The following TCTN2 variants were observed in gnomAD, a reference collection of about 807,000 sequenced individuals.
The protein encoded by TCTN2 is tectonic-2.
In TCTN2, 66 loss-of-function variants were observed where a neutral mutation model predicts 83.4. That is an observed-to-expected ratio of 0.79 (90% CI 0.65 to 0.97). The LOEUF is 0.97. Ranked by LOEUF, TCTN2 falls within the 50% of genes least tolerant of loss-of-function variation. TCTN2 has a pLI of 0.00. For missense variants in TCTN2, 794 were observed against 858.1 expected (o/e 0.93, Z 0.93); for synonymous variants, 301 against 326.7 (o/e 0.92, Z 0.85).
At position 123,704,550 on chromosome 12, in the gene TCTN2, C is replaced by T; in HGVS notation, c.1631C>T (p.Pro544Leu). 1 of 1,611,502 alleles carries T rather than the reference C, an allele frequency of 6.2e-7. No homozygotes were observed. Among genetic ancestry groups the T allele is most frequent in the Non-Finnish European group, 8.5e-7 (1 of 1,179,148 alleles). ...TCTATAGGTGTAGATGCCCCTGATC[C>T]AGGTGCAGACCCGCTGGCTAGCAGT... ...LEIIRVDAPD[P>L]GADPLASSVN... The change falls in exon 15 of 18, where the codon CCA (proline) becomes CTA (leucine). Residue 544 changes from proline (P) to leucine (L), a missense_variant. Coordinates refer to ENST00000303372, the MANE Select transcript of TCTN2 (RefSeq NM_024809.5).
At chr12:123,679,824 C>T (rs1409628706) in intron 5 of TCTN2, among the ~76,000 whole-genome samples, 3 of 145,590 alleles carry the variant, frequency 2.1e-5, no homozygotes, top group Non-Finnish European at 4.5e-5. Flanking sequence ...ACTGCAAGCT[C>T]CGCCTCCCGG....
chr12:123,671,223 GC>G lies in TCTN2; in HGVS notation c.-15del. On this transcript the variant is annotated 5_prime_UTR_variant, in exon 1 of 18. Coordinates refer to ENST00000303372, the MANE Select transcript of TCTN2 (RefSeq NM_024809.5). ...TGAGGGCGCGGTTCTGCTGTGCCCG[GC>G]CCGCGAGGTCTAAGGCATGGGCTTC... 6.2e-7 allele frequency: 1 copy of G among 1,608,492 alleles called. No individual in the cohort carries two copies.
intron 4 of TCTN2, among the ~76,000 whole-genome samples, chr12:123,676,149 C>T (rs951675680): frequency 1.3e-5 from 2 of 152,024 alleles, no homozygotes; most frequent in African/African-American, 2.4e-5. Flanking sequence ...GCGTGGTAGT[C>T]GGTGCCTGTA....
chr12:123,679,802 T>C (rs1355616940), intron 5 of TCTN2, among the ~76,000 whole-genome samples: 13 of 138,964 alleles, frequency 9.4e-5, no homozygotes, highest in Admixed American at 3.7e-4. Flanking sequence ...TGCAGTGGCG[T>C]GATCTTGGCT....
rs758713002 is a variant in TCTN2 at position 123,695,265 on chromosome 12, G to A, written c.1280G>A (p.Ser427Asn). ...RFVVKFLSYN[S>N]GNEEELSGNP... is the part of the protein sequence containing the mutation. ...GTAGTAAAATTTTTAAGCTATAATA[G>A]TGGTAATGAAGAAGAATTATCTGGA... Residue 427 changes from serine (S) to asparagine (N), a missense_variant, in exon 11 of 18, where the codon AGT (serine) becomes AAT (asparagine). Transcript: ENST00000303372. 1 of 1,581,516 alleles carries A rather than the reference G, an allele frequency of 6.3e-7. No homozygotes were observed. Among genetic ancestry groups the A allele is most frequent in the South Asian group, 1.1e-5 (1 of 90,366 alleles).
chr12:123,705,847 A>C (rs11837257), intron 15 of TCTN2, among the ~76,000 whole-genome samples: 52,807 of 148,832 alleles, frequency 0.35, 9,975 homozygotes, highest in African/African-American at 0.41. Context: ...ACCTCCACCA[A>C]CCGGGTTCAA....
chr12:123,679,352 C>A, intron 5 of TCTN2, 63 bp downstream of exon 5: 2 of 1,412,742 alleles, frequency 1.4e-6, no homozygotes, highest in Non-Finnish European at 2.0e-6. Context: ...GCAGTTCCAC[C>A]AACAGCTTTT....
Position 123,694,922 on chromosome 12 carries a change from A to G in TCTN2, c.1180A>G (p.Ile394Val), listed in dbSNP as rs774166162. ...HYIFKWNNNT[I>V]SEINVKIFRA... is the part of the protein sequence containing the mutation. ...TATTTTCAAATGGAATAATAATACC[A>G]TCAGTGAAATAAATGTTAAAATTTT... The change falls in exon 10 of 18, where the codon ATC becomes GTC. Residue 394 changes from isoleucine to valine, a missense_variant. Physicochemically the swap from Ile to Val is conservative, Grantham distance 29 (BLOSUM62 3). Coordinates refer to ENST00000303372, the MANE Select transcript of TCTN2 (RefSeq NM_024809.5). 3.7e-6 allele frequency: 6 copies of G among 1,613,384 alleles called. No individual in the cohort carries two copies. Among genetic ancestry groups the G allele is most frequent in the African/African-American group, 1.3e-5 (1 of 74,950 alleles).
In TCTN2 at chr12:123,706,836, C is replaced by T. The variant is rs1956235993; in HGVS notation, c.1880C>T (p.Pro627Leu). Residue 627 changes from proline (P) to leucine (L), a missense_variant, in exon 16 of 18, where the codon CCC (proline) becomes CTC (leucine). Physicochemically the swap from Pro to Leu is moderately conservative, Grantham distance 98. Coordinates refer to ENST00000303372, the MANE Select transcript of TCTN2 (RefSeq NM_024809.5). ...VQFIKIPAQL[P>L]HPLTRFQINY... is the part of the protein sequence containing the mutation. ...TTTATTAAAATTCCTGCACAGTTACCCCACCCCCTGACAAGGTACTCCAGT... is the reference window on the plus strand; with the variant it reads ...TTTATTAAAATTCCTGCACAGTTACTCCACCCCCTGACAAGGTACTCCAGT... The T allele has an allele frequency of 1.2e-6, 2 of 1,614,034 alleles. No individual in the cohort carries two copies. The highest frequency in any genetic ancestry group is 1.7e-6 in the Non-Finnish European group (2 of 1,180,004).
intron 10 of TCTN2, 55 bp from the exon 11 acceptor site, chr12:123,695,165 A>G: frequency 1.4e-6 from 2 of 1,414,372 alleles, no homozygotes; most frequent in South Asian, 2.3e-5. Context: ...ATGGAGAATA[A>G]TTTCTTTTCC....
chr12:123,672,927 G>C (rs982077941), intron 3 of TCTN2, among the ~76,000 whole-genome samples: 1 of 152,120 alleles, frequency 6.6e-6, no homozygotes, highest in African/African-American at 2.4e-5. Context: ...GCGGGTGCCT[G>C]TAATCTCAGC....
Position 123,706,600 on chromosome 12 carries a change from C to G in TCTN2, c.1770-126C>G. Reference sequence around the variant, plus strand: ...TGGACAAATACTGAGAAAAAACAGCCCAGGTAGAATGCGAAACTTCTTAGG... The same window carrying G: ...TGGACAAATACTGAGAAAAAACAGCGCAGGTAGAATGCGAAACTTCTTAGG... On this transcript the variant is annotated intron_variant, in intron 15 of 17. Coordinates refer to ENST00000303372, the MANE Select transcript of TCTN2 (RefSeq NM_024809.5). The G allele has an allele frequency of 2.1e-6, 3 of 1,405,368 alleles. No individual in the cohort carries two copies. The East Asian group carries it at 6.9e-5, about 32-fold the overall frequency. The allele number at this position is 1,405,368 out of a possible 1,614,324, so 87.1% of individuals were successfully genotyped here. A position where few individuals can be genotyped will look rare whatever the true frequency, so the allele number is the denominator to read the frequency against.
Position 123,690,570 on chromosome 12 carries a change from T to G in TCTN2, c.929T>G (p.Val310Gly). ...GGGCAGTGTATGCAGAACGCCCCAG[T>G]GGCATTTCTTCACAATTTTGATGTT... is the stretch of plus-strand genomic sequence containing the variant. Reference protein sequence around the residue: ...LAGQCMQNAPVAFLHNFDVKC... With the variant: ...LAGQCMQNAPGAFLHNFDVKC... The change falls in exon 8 of 18, where the codon GTG becomes GGG. Residue 310 changes from valine (V) to glycine (G), a missense_variant. Val to Gly is a moderately radical substitution (Grantham distance 109). Transcript: ENST00000303372. 6.2e-7 allele frequency: 1 copy of G among 1,614,210 alleles called. No homozygotes were observed. Among genetic ancestry groups the G allele is most frequent in the Non-Finnish European group, 8.5e-7 (1 of 1,180,034 alleles).
intron 5 of TCTN2, among the ~76,000 whole-genome samples, chr12:123,683,743 A>G (rs975621735): frequency 1.3e-5 from 2 of 151,942 alleles, no homozygotes; most frequent in African/African-American, 4.8e-5. Context: ...GGTTCAAGCG[A>G]TTCTCCTGCC....
chr12:123,697,412 C>T (rs976961493), intron 13 of TCTN2, among the ~76,000 whole-genome samples: 23 of 152,222 alleles, frequency 1.5e-4, no homozygotes, highest in Non-Finnish European at 5.9e-5. Context: ...AAAGCCAGTT[C>T]ATCCACATTT....
chr12:123,707,271 G>A, intron 17 of TCTN2, 198 bp downstream of exon 17: 1 of 626,752 alleles, frequency 1.6e-6, no homozygotes, highest in South Asian at 2.0e-5. Flanking sequence ...TTTTTTTAGA[G>A]AGTCTTGCTC....
At chr12:123,702,532 G>T (rs1229522124) in intron 14 of TCTN2, among the ~76,000 whole-genome samples, 1 of 128,342 alleles carries the variant, frequency 7.8e-6, no homozygotes, top group Non-Finnish European at 1.7e-5. Flanking sequence ...AGTCCTGTTG[G>T]ACTCCACCCC....
chr12:123,701,581 TAA>T (rs11310002), intron 14 of TCTN2, among the ~76,000 whole-genome samples: 8 of 146,174 alleles, frequency 5.5e-5, no homozygotes, highest in Non-Finnish European at 9.0e-5. Flanking sequence ...CTACTAAAAA[TAA>T]AAAAAAAAAA....
At chr12:123,703,199 T>C (rs1275993033) in intron 14 of TCTN2, among the ~76,000 whole-genome samples, 6 of 152,098 alleles carry the variant, frequency 3.9e-5, no homozygotes, top group Admixed American at 3.3e-4. Context: ...TCATTATTTT[T>C]TTTTTGAGAT....
Sources: gnomAD v4.1 joint callset for allele counts (sites outside exome capture counted in the v4.1 genomes callset) on GRCh38, gnomAD v4.1.1 for gene constraint, MANE v1.5 for transcripts, NCBI Gene and HGNC (gene_info 2026-07-23, HGNC 2026-07-21) for gene names.